Variants in NRCAM observed in about 807,000 individuals in gnomAD.
NRCAM encodes the protein neuronal cell adhesion molecule, also known as NgCAM-related cell adhesion molecule.
In NRCAM, 83 loss-of-function variants were observed where a neutral mutation model predicts 156.5. The observed-to-expected ratio is 0.53, with a 90% CI of 0.44 to 0.64. The LOEUF (loss-of-function observed/expected upper bound fraction) is 0.64. Among genes scored for constraint, NRCAM ranks in the 30% least tolerant of loss-of-function variants. The probability of loss-of-function intolerance (pLI) is 0.00; values close to 1 mark genes in which losing one functional copy is unlikely to be tolerated. For synonymous variants in NRCAM, 538 were observed against 563.9 expected (o/e 0.95, Z 0.65); for missense variants, 1,417 against 1,597.3 (o/e 0.89, Z 1.92).
intron 2 of NRCAM, among the ~76,000 whole-genome samples, chr7:108,315,182 G>T (rs1489884351): frequency 6.6e-6 from 1 of 152,094 alleles, no homozygotes; most frequent in Non-Finnish European, 1.5e-5. Flanking sequence ...ACTATAAAAT[G>T]ACAGTAAATT....
intron 2 of NRCAM, among the ~76,000 whole-genome samples, chr7:108,316,532 T>C (rs978226745): frequency 6.6e-6 from 1 of 151,966 alleles, no homozygotes; most frequent in East Asian, 1.9e-4. Context: ...TCCCAGCACT[T>C]TGGGAGGCCG....
intron 2 of NRCAM, among the ~76,000 whole-genome samples, chr7:108,337,067 C>T (rs981699092): frequency 2.0e-5 from 3 of 152,056 alleles, no homozygotes; most frequent in Non-Finnish European, 4.4e-5. Context: ...GAATTCAAGA[C>T]CAGCTGGCCA....
At chr7:108,277,231 AG>A (rs2097669059) in intron 3 of NRCAM, among the ~76,000 whole-genome samples, 1 of 151,904 alleles carries the variant, frequency 6.6e-6, no homozygotes, top group South Asian at 2.1e-4. Flanking sequence ...GCTCTTCTCG[AG>A]GTGTATCTTT....
At chr7:108,203,383 G>C (rs1167337873) in intron 13 of NRCAM, among the ~76,000 whole-genome samples, 1 of 152,008 alleles carries the variant, frequency 6.6e-6, no homozygotes, top group Non-Finnish European at 1.5e-5. Flanking sequence ...CTGGGGATGG[G>C]GGAAGGGTAA....
intron 2 of NRCAM, among the ~76,000 whole-genome samples, chr7:108,385,340 G>A (rs1018145316): frequency 6.6e-6 from 1 of 152,172 alleles, no homozygotes; most frequent in Non-Finnish European, 1.5e-5. Context: ...TGTTAACCAG[G>A]TAAGTGTAAC....
At chr7:108,277,401 T>C (rs1424497814) in intron 3 of NRCAM, among the ~76,000 whole-genome samples, 1 of 152,196 alleles carries the variant, frequency 6.6e-6, no homozygotes, top group East Asian at 1.9e-4. Context: ...TATTTTCACA[T>C]TGTCCCATAT....
At chr7:108,266,923 A>G (rs2097129694) in intron 3 of NRCAM, among the ~76,000 whole-genome samples, 1 of 145,260 alleles carries the variant, frequency 6.9e-6, no homozygotes, top group Admixed American at 7.0e-5. Flanking sequence ...AAGTTATCCT[A>G]TTACAGTTTT....
intron 2 of NRCAM, among the ~76,000 whole-genome samples, chr7:108,384,386 G>A (rs565505484): frequency 6.6e-6 from 1 of 152,146 alleles, no homozygotes; most frequent in East Asian, 1.9e-4. Flanking sequence ...AATTGTTGAA[G>A]GGCACAAGAT....
chr7:108,347,951 C>T (rs1409936478), intron 2 of NRCAM, among the ~76,000 whole-genome samples: 3 of 152,180 alleles, frequency 2.0e-5, no homozygotes, highest in African/African-American at 7.2e-5. Flanking sequence ...CTGTGCACAT[C>T]CCAATCACTG....
chr7:108,354,204 G>A (rs887870875), intron 2 of NRCAM, among the ~76,000 whole-genome samples: 2 of 152,056 alleles, frequency 1.3e-5, no homozygotes, highest in Non-Finnish European at 2.9e-5. Flanking sequence ...TATATAAATG[G>A]TTTAACATTA....
intron 13 of NRCAM, among the ~76,000 whole-genome samples, chr7:108,204,671 T>C (rs2080103048): frequency 6.6e-6 from 1 of 152,174 alleles, no homozygotes; most frequent in Non-Finnish European, 1.5e-5. Flanking sequence ...CTAGAGTGAC[T>C]GCTCTGAGGC....
At chr7:108,184,735 T>C (rs1162963306) in intron 20 of NRCAM, 121 bp from the exon 21 acceptor site, 2 of 704,404 alleles carry the variant, frequency 2.8e-6, no homozygotes, top group East Asian at 5.6e-5. Flanking sequence ...TATTTTACTT[T>C]CAAGAAAAAT....
At chr7:108,382,118 A>G (rs915180420) in intron 2 of NRCAM, among the ~76,000 whole-genome samples, 2 of 152,176 alleles carry the variant, frequency 1.3e-5, no homozygotes, top group African/African-American at 4.8e-5. Context: ...GAAGGGGTGC[A>G]TGGTAACTTC....
intron 3 of NRCAM, among the ~76,000 whole-genome samples, chr7:108,295,863 A>C (rs115852853): frequency 0.016 from 2,380 of 152,290 alleles, 55 homozygotes; most frequent in African/African-American, 0.055. Context: ...CATGGACCAG[A>C]GCCTCTGCAG....
chr7:108,396,684 C>A (rs892097421), intron 2 of NRCAM, among the ~76,000 whole-genome samples: 1 of 152,156 alleles, frequency 6.6e-6, no homozygotes, highest in Non-Finnish European at 1.5e-5. Context: ...TATCAAAGAT[C>A]ACCTGTAAAT....
intron 3 of NRCAM, among the ~76,000 whole-genome samples, chr7:108,299,114 A>AAAAAAAAAAAAAAGAAAG: frequency 3.9e-5 from 1 of 25,530 alleles, no homozygotes; most frequent in African/African-American, 1.1e-4. Context: ...TCAAAAAAAA[A>AAAAAAAAAAAAAAGAAAG]AAAGAAAGAA....
chr7:108,437,307 G>A (rs1294178699), intron 1 of NRCAM, among the ~76,000 whole-genome samples: 1 of 152,144 alleles, frequency 6.6e-6, no homozygotes, highest in African/African-American at 2.4e-5. Flanking sequence ...TAGGGGAGAG[G>A]TGGAGATGGT....
intron 3 of NRCAM, among the ~76,000 whole-genome samples, chr7:108,307,402 A>G (rs2098732963): frequency 6.6e-6 from 1 of 152,240 alleles, no homozygotes; most frequent in Non-Finnish European, 1.5e-5. Flanking sequence ...CCATGCTACA[A>G]GAAACAAAAC....
At chr7:108,251,913 A>T (rs1384668003) in intron 3 of NRCAM, among the ~76,000 whole-genome samples, 2 of 152,206 alleles carry the variant, frequency 1.3e-5, no homozygotes, top group Non-Finnish European at 2.9e-5. Context: ...ACTACACTCC[A>T]GCGTGGGTGA....
Sources: allele counts gnomAD v4.1 joint callset (sites outside exome capture counted in the v4.1 genomes callset), GRCh38; gene constraint gnomAD v4.1.1; transcripts MANE v1.5; gene names NCBI Gene and HGNC (gene_info 2026-07-23, HGNC 2026-07-21).